The following SBSPON variants were observed in gnomAD, a reference collection of about 807,000 sequenced individuals.
SBSPON encodes the protein somatomedin-B and thrombospondin type-1 domain-containing protein.
In SBSPON, 30 loss-of-function variants were observed where a neutral mutation model predicts 35.8. The observed-to-expected ratio is 0.84, with a 90% CI of 0.63 to 1.14. The LOEUF is 1.14. SBSPON is among the 50% of genes most tolerant of loss of function. The pLI is 0.00. For synonymous variants in SBSPON, 136 were observed against 135.9 expected (o/e 1.00, Z 0.00); for missense variants, 364 against 357.7 (o/e 1.02, Z -0.14).
At chr8:73,075,438 A>G (rs529395130) in intron 2 of SBSPON, among the ~76,000 whole-genome samples, 27 of 152,342 alleles carry the variant, frequency 1.8e-4, no homozygotes, top group African/African-American at 5.5e-4. Flanking sequence ...CTCCCGCCAC[A>G]CTTCTGCTAA....
intron 1 of SBSPON, among the ~76,000 whole-genome samples, chr8:73,086,624 C>T (rs937356378): frequency 4.0e-5 from 6 of 150,050 alleles, no homozygotes; most frequent in South Asian, 2.1e-4. Context: ...GCAGAAACCA[C>T]GTTATCTGGC....
intron 2 of SBSPON, among the ~76,000 whole-genome samples, chr8:73,075,227 G>C (rs1810570695): frequency 6.6e-6 from 1 of 152,134 alleles, no homozygotes; most frequent in South Asian, 2.1e-4. Flanking sequence ...CTTGGGATTA[G>C]GGTGCATCCT....
intron 2 of SBSPON, among the ~76,000 whole-genome samples, chr8:73,076,937 G>A (rs1024067572): frequency 3.9e-5 from 6 of 151,954 alleles, no homozygotes; most frequent in South Asian, 2.1e-4. Context: ...ACAGAGTTTC[G>A]CTCTTGTTGC....
In SBSPON at chr8:73,087,908, T is replaced by A. The variant is rs11986632; in HGVS notation, c.214+4946A>T. Among the ~76,000 whole-genome samples the A allele has an allele frequency of 3.4e-3, 511 of 152,318 alleles. 5 individuals carry two copies. Among genetic ancestry groups the A allele is most frequent in the African/African-American group, 0.011 (477 of 41,574 alleles). On this transcript the variant is annotated intron_variant, in intron 1 of 4. Coordinates refer to ENST00000297354, the MANE Select transcript of SBSPON (RefSeq NM_153225.4). Reference sequence around the variant, plus strand: ...AGAGATTGGGATGTTATCCACCTCATAAGCAAGTTTTCCAAGAAGTTCTTC... The same window carrying A: ...AGAGATTGGGATGTTATCCACCTCAAAAGCAAGTTTTCCAAGAAGTTCTTC...
chr8:73,076,928 CAG>C (rs1810604721), intron 2 of SBSPON, among the ~76,000 whole-genome samples: 1 of 151,992 alleles, frequency 6.6e-6, no homozygotes, highest in African/African-American at 2.4e-5. Context: ...TTTTTTGAGA[CAG>C]AGTTTCGCTC....
rs185399656 is a variant in SBSPON, at chr8:73,067,374, A to G, written c.762T>C (p.Ser254=). The change falls in exon 5 of 5, where the codon TCT becomes TCC. Residue 254 remains serine (S), a synonymous_variant. Transcript: ENST00000297354. ...AAATAAAACTGTGAACAGCTGGACAAGAACACTGGTCTACTCGCCGAACTT... is the reference window on the plus strand; with the variant it reads ...AAATAAAACTGTGAACAGCTGGACAGGAACACTGGTCTACTCGCCGAACTT... ...WKKVRRVDQC[S]CPAVHSFIFI 147 of 1,608,084 alleles carry G rather than the reference A, an allele frequency of 9.1e-5. No homozygotes were observed. The African/African-American group carries it at 1.7e-3, about 19-fold the overall frequency.
At chr8:73,082,937 T>C (rs1490492548) in intron 1 of SBSPON, among the ~76,000 whole-genome samples, 1 of 152,232 alleles carries the variant, frequency 6.6e-6, no homozygotes, top group African/African-American at 2.4e-5. Context: ...AATGCACTTG[T>C]TTCAAAGATT....
chr8:73,076,279 C>G (rs1179610745), intron 2 of SBSPON, among the ~76,000 whole-genome samples: 1 of 152,106 alleles, frequency 6.6e-6, no homozygotes, highest in Non-Finnish European at 1.5e-5. Flanking sequence ...CAAAGAATGT[C>G]CATGTCCTGA....
chr8:73,076,786 AAG>A (rs1810602391), intron 2 of SBSPON, among the ~76,000 whole-genome samples: 1 of 152,110 alleles, frequency 6.6e-6, no homozygotes, highest in Admixed American at 6.5e-5. Context: ...GGCAAGGAAG[AAG>A]AGTCTCCCCT....
chr8:73,080,517 AAAT>A (rs949943762), intron 2 of SBSPON, among the ~76,000 whole-genome samples: 1 of 152,120 alleles, frequency 6.6e-6, no homozygotes, highest in African/African-American at 2.4e-5. Context: ...TCTGTCTCAA[AAAT>A]AATAATAATA....
intron 3 of SBSPON, 25 bp downstream of exon 3, chr8:73,071,753 TAA>T (rs3830249): frequency 0.44 from 570,150 of 1,282,916 alleles, 126,147 homozygotes; most frequent in Middle Eastern, 0.48. Flanking sequence ...AAAACATGAT[TAA>T]AAAAAAAAAA....
intron 1 of SBSPON, chr8:73,083,832 T>G (rs1357052164): frequency 6.6e-6 from 1 of 152,264 alleles, no homozygotes; most frequent in East Asian, 1.9e-4. Context: ...TTTGATGACA[T>G]CATCCACCCC....
rs2129992531 is a variant in SBSPON at position 73,071,872 on chromosome 8, T to C, written c.410-2A>G. ...CAGAGGTAGTTATAAAGGCAGGAAC[T>C]GGAAAAGGGAGATTTCTGTTGAATT... On this transcript the variant is annotated splice_acceptor_variant, in intron 2 of 4. Coordinates refer to ENST00000297354, the MANE Select transcript of SBSPON (RefSeq NM_153225.4). LOFTEE classifies it high-confidence loss of function. 2 of 1,596,502 alleles carry C rather than the reference T, an allele frequency of 1.3e-6. No homozygotes were observed. The highest frequency in any genetic ancestry group is 1.7e-6 in the Non-Finnish European group (2 of 1,164,220).
rs761506149 is a variant in SBSPON, at chr8:73,067,294, A to G, written c.*47T>C. ...AGGAAACATTGAACATGACTTGAGA[A>G]TATTTAGAATGTTTACAAATGCATT... On this transcript the variant is annotated 3_prime_UTR_variant, in exon 5 of 5. Coordinates refer to ENST00000297354, the MANE Select transcript of SBSPON (RefSeq NM_153225.4). The G allele has an allele frequency of 7.9e-6, 9 of 1,134,754 alleles. No homozygotes were observed. The South Asian group carries it at 1.1e-4, about 14-fold the overall frequency. The allele number at this position is 1,134,754 out of a possible 1,614,324, so 70.3% of individuals were successfully genotyped here. A position where few individuals can be genotyped will look rare whatever the true frequency, so the allele number is the denominator to read the frequency against.
Position 73,067,589 on chromosome 8 carries a change from C to CTA in SBSPON, c.678-133_678-132dup, listed in dbSNP as rs1233223282. 714 of 103,832 alleles carry CTA rather than the reference C, an allele frequency of 6.9e-3. 18 individuals are homozygous for CTA. The highest frequency in any genetic ancestry group is 0.022 in the African/African-American group (159 of 7,132). The allele number at this position is 103,832 out of a possible 1,614,324, so 6.4% of individuals were successfully genotyped here. ...GCAATATAGTGAAACCCCGTCTCTA[C>CTA]TATATATATATATATATAGTTTTTT... On this transcript the variant is annotated intron_variant, in intron 4 of 4. Transcript: ENST00000297354.
Position 73,067,254 on chromosome 8 carries a change from C to A in SBSPON, c.*87G>T. On this transcript the variant is annotated 3_prime_UTR_variant, in exon 5 of 5. Coordinates refer to ENST00000297354, the MANE Select transcript of SBSPON (RefSeq NM_153225.4). ...CAATGATGTGTTTGGGGACTTTGGC[C>A]AAAATTGAAGGTTTAGGAAACATTG... 2.3e-6 allele frequency: 2 copies of A among 855,792 alleles called. 1 individual carries two copies. The highest frequency in any genetic ancestry group is 5.3e-5 in the East Asian group (2 of 37,982). The allele number at this position is 855,792 out of a possible 1,614,324, so 53.0% of individuals were successfully genotyped here.
At position 73,067,420 on chromosome 8, in the gene SBSPON, C is replaced by A. The variant is rs189764328; in HGVS notation, c.716G>T (p.Arg239Leu). 3.4e-3 allele frequency: 5,424 copies of A among 1,610,882 alleles called. 15 individuals carry two copies. The highest frequency in any genetic ancestry group is 4.1e-3 in the Non-Finnish European group (4,825 of 1,178,190). The change falls in exon 5 of 5, where the codon CGG becomes CTG. Residue 239 changes from arginine (R) to leucine (L), a missense_variant. By Grantham distance (102) the Arg-to-Leu change is moderately radical. Coordinates refer to ENST00000297354, the MANE Select transcript of SBSPON (RefSeq NM_153225.4). Reference sequence around the variant, plus strand: ...AACTTTTTTCCAAGTTCCTTGACACCGAGGATTACCAATTGCTTGCCAATG... The same window carrying A: ...AACTTTTTTCCAAGTTCCTTGACACAGAGGATTACCAATTGCTTGCCAATG... ...TLHWQAIGNP[R>L]CQGTWKKVRR...
Position 73,071,810 on chromosome 8 carries a change from G to T in SBSPON, c.470C>A (p.Pro157Gln), listed in dbSNP as rs1198419344. ...NKERTRQATSPHWSTHTEDAG... is the reference protein window; with the variant it reads ...NKERTRQATSQHWSTHTEDAG... ...ATCCTCTGTGTGTGTAGACCAGTGT[G>T]GAGACGTAGCTTGTCGTGTTCTCTC... Residue 157 changes from proline (P) to glutamine (Q), a missense_variant, in exon 3 of 5, where the codon CCA (proline) becomes CAA (glutamine). Transcript: ENST00000297354. 5 of 1,610,750 alleles carry T rather than the reference G, an allele frequency of 3.1e-6. No homozygotes were observed. The highest frequency in any genetic ancestry group is 4.2e-6 in the Non-Finnish European group (5 of 1,177,046).
chr8:73,084,116 C>G (rs1810771467), intron 1 of SBSPON, among the ~76,000 whole-genome samples: 1 of 152,192 alleles, frequency 6.6e-6, no homozygotes, highest in African/African-American at 2.4e-5. Flanking sequence ...GGGGGGCACC[C>G]CTGGCTTTCA....
Sources: gnomAD v4.1 joint callset for allele counts (sites outside exome capture counted in the v4.1 genomes callset) on GRCh38, gnomAD v4.1.1 for gene constraint, MANE v1.5 for transcripts, NCBI Gene and HGNC (gene_info 2026-07-23, HGNC 2026-07-21) for gene names.